Variants in CDC42BPA observed in about 807,000 individuals in gnomAD.
CDC42BPA encodes the protein serine/threonine-protein kinase MRCK alpha.
In CDC42BPA, 80 loss-of-function variants were observed where a neutral mutation model predicts 223.5. The observed-to-expected ratio is 0.36, with a 90% CI of 0.30 to 0.43. The LOEUF (loss-of-function observed/expected upper bound fraction) is 0.43, where lower values mean the gene tolerates loss of function less well. Among genes scored for constraint, CDC42BPA ranks in the 20% least tolerant of loss-of-function variants. The pLI is 1.00. For missense variants in CDC42BPA, 1,743 were observed against 2,099.9 expected (o/e 0.83, Z 3.32); for synonymous variants, 694 against 718.6 (o/e 0.97, Z 0.55).
intron 1 of CDC42BPA, among the ~76,000 whole-genome samples, chr1:227,278,367 T>C (rs974454139): frequency 1.3e-5 from 2 of 152,266 alleles, no homozygotes; most frequent in Non-Finnish European, 2.9e-5. Flanking sequence ...TGAAAATTTA[T>C]GGAAAATGTC....
intron 3 of CDC42BPA, among the ~76,000 whole-genome samples, chr1:227,202,197 T>C (rs1181228941): frequency 6.6e-6 from 1 of 152,196 alleles, no homozygotes; most frequent in Non-Finnish European, 1.5e-5. Context: ...TTAGCCAGGA[T>C]GGTCTCGATC....
Position 227,074,325 on chromosome 1 carries a change from G to T in CDC42BPA, c.2520C>A (p.Ala840=), listed in dbSNP as rs372377740. 6.2e-7 allele frequency: 1 copy of T among 1,613,618 alleles called. No individual in the cohort carries two copies. The change falls in exon 18 of 37, where the codon GCC becomes GCA. Residue 840 remains alanine, a synonymous_variant. Transcript: ENST00000366766. ...ATTCTTCAGTCATTTTAGAAGCTAA[G>T]GCCTGAAGATACCCTCGTGCATCCT... ...DEKDARGYLQ[A]LASKMTEELE...
chr1:227,045,158 G>C (rs999927826), intron 23 of CDC42BPA, among the ~76,000 whole-genome samples: 2 of 152,158 alleles, frequency 1.3e-5, no homozygotes, highest in African/African-American at 4.8e-5. Flanking sequence ...AACTAATTAA[G>C]TTTCCTTAGA....
intron 4 of CDC42BPA, among the ~76,000 whole-genome samples, chr1:227,196,337 A>ATTTTT (rs1558733013): frequency 1.1e-4 from 3 of 28,190 alleles, no homozygotes; most frequent in Non-Finnish European, 2.0e-4. Flanking sequence ...ATTAAACAAT[A>ATTTTT]CTTTTTTTTT....
intron 3 of CDC42BPA, among the ~76,000 whole-genome samples, chr1:227,209,443 A>G: frequency 7.0e-6 from 1 of 142,456 alleles, no homozygotes; most frequent in Non-Finnish European, 1.5e-5. Context: ...CCAGTTTTCA[A>G]AGGGAATGCT....
chr1:227,221,281 T>C (rs995776911), intron 2 of CDC42BPA, among the ~76,000 whole-genome samples: 5 of 152,222 alleles, frequency 3.3e-5, no homozygotes, highest in East Asian at 1.9e-4. Flanking sequence ...TCCTGACTTA[T>C]ATTATCTATT....
chr1:227,297,539 A>G (rs1294743308), intron 1 of CDC42BPA, among the ~76,000 whole-genome samples: 1 of 152,222 alleles, frequency 6.6e-6, no homozygotes, highest in Non-Finnish European at 1.5e-5. Flanking sequence ...CAACGCAAGT[A>G]TCCATCAACA....
At chr1:227,063,588 G>GA (rs955981235) in intron 21 of CDC42BPA, among the ~76,000 whole-genome samples, 7 of 151,916 alleles carry the variant, frequency 4.6e-5, no homozygotes, top group Admixed American at 3.3e-4. Context: ...CTAAGTTGAG[G>GA]AAAAAATGCA....
At chr1:227,136,304 G>C (rs1658554689) in intron 10 of CDC42BPA, among the ~76,000 whole-genome samples, 1 of 152,126 alleles carries the variant, frequency 6.6e-6, no homozygotes, top group South Asian at 2.1e-4. Context: ...GCCAGAACTA[G>C]TGAACCTGAA....
At chr1:227,296,538 T>A (rs1346515855) in intron 1 of CDC42BPA, among the ~76,000 whole-genome samples, 1 of 151,684 alleles carries the variant, frequency 6.6e-6, no homozygotes, top group African/African-American at 2.4e-5. Context: ...AAACCCCGCA[T>A]CTACTAAAAA....
In CDC42BPA at chr1:226,994,984, C is replaced by T. The variant is rs747186508; in HGVS notation, c.4976-4G>A. On this transcript the variant is annotated splice_polypyrimidine_tract_variant and splice_region_variant and intron_variant, in intron 35 of 36. Coordinates refer to ENST00000366766, the MANE Select transcript of CDC42BPA (RefSeq NM_001394014.1). This position sits in a 1 kb window ranked among gnomAD's most constrained non-coding sequence, Gnocchi z 4.0. The stretch of plus-strand genomic sequence containing the variant: ...CTGCCATTCTGTGCGGATGACCCTA[C>T]AGTACATCATGCAGGCAAAATTTTA... 3.1e-6 allele frequency: 5 copies of T among 1,611,684 alleles called. No homozygotes were observed. The highest frequency in any genetic ancestry group is 2.2e-5 in the East Asian group (1 of 44,810).
chr1:227,263,660 CAG>C (rs1439234667), intron 1 of CDC42BPA, among the ~76,000 whole-genome samples: 2 of 150,846 alleles, frequency 1.3e-5, no homozygotes, highest in African/African-American at 4.9e-5. Context: ...TGGCTCACTG[CAG>C]TCTCCGCCTC....
intron 1 of CDC42BPA, among the ~76,000 whole-genome samples, chr1:227,301,871 T>C (rs779134467): frequency 3.2e-4 from 48 of 152,134 alleles, no homozygotes; most frequent in Non-Finnish European, 5.9e-5. Context: ...AAATATTAAG[T>C]GTTTCCATTA....
Position 227,074,240 on chromosome 1 carries a change from C to G in CDC42BPA, c.2586+19G>C. On this transcript the variant is annotated intron_variant, in intron 18 of 36. Transcript: ENST00000366766. ...TTTTCTAATATGATAAGCCTCCATG[C>G]AAAATCATAGAAGCTTACTGTTGCT... 1 of 1,550,620 alleles carries G rather than the reference C, an allele frequency of 6.4e-7. No homozygotes were observed. The highest frequency in any genetic ancestry group is 8.9e-7 in the Non-Finnish European group (1 of 1,126,790).
intron 1 of CDC42BPA, among the ~76,000 whole-genome samples, chr1:227,278,009 T>G (rs1687407988): frequency 6.6e-6 from 1 of 152,206 alleles, no homozygotes; most frequent in South Asian, 2.1e-4. Flanking sequence ...TCGGCCTTCC[T>G]AAGTGCTGGG....
At chr1:227,067,891 T>C (rs1255419861) in intron 21 of CDC42BPA, among the ~76,000 whole-genome samples, 1 of 152,144 alleles carries the variant, frequency 6.6e-6, no homozygotes, top group African/African-American at 2.4e-5. Flanking sequence ...TCCCCATTTC[T>C]GTAAAGACTA....
chr1:227,222,971 C>G (rs1378003886), intron 2 of CDC42BPA, among the ~76,000 whole-genome samples: 1 of 152,086 alleles, frequency 6.6e-6, no homozygotes, highest in African/African-American at 2.4e-5. Flanking sequence ...TTGTGCAAAA[C>G]ACACCTAAAC....
chr1:227,196,668 T>G lies in CDC42BPA; in HGVS notation c.451-2734A>C, dbSNP rs141984769. The stretch of plus-strand genomic sequence containing the variant: ...ACAATACTTTTCTTAAAAAAATTAC[T>G]TTTCTAATAATTTCTGTCTTCACAA... On this transcript the variant is annotated intron_variant, in intron 4 of 36. Coordinates refer to ENST00000366766, the MANE Select transcript of CDC42BPA (RefSeq NM_001394014.1). Among the ~76,000 whole-genome samples the G allele has an allele frequency of 5.0e-3, 768 of 152,278 alleles. 5 individuals are homozygous for G. The highest frequency in any genetic ancestry group is 0.018 in the African/African-American group (736 of 41,550).
intron 21 of CDC42BPA, among the ~76,000 whole-genome samples, chr1:227,065,977 T>C (rs1481880003): frequency 1.3e-5 from 2 of 152,126 alleles, no homozygotes; most frequent in Admixed American, 6.5e-5. Flanking sequence ...CAAAAAAGAA[T>C]GTCCAGAAGG....
Sources: allele counts gnomAD v4.1 joint callset (sites outside exome capture counted in the v4.1 genomes callset), GRCh38; gene constraint gnomAD v4.1.1; non-coding constraint Gnocchi (gnomAD v3.1); transcripts MANE v1.5; gene names NCBI Gene and HGNC (gene_info 2026-07-23, HGNC 2026-07-21).